VPS13B: variants seen among roughly 807,000 people sequenced by gnomAD.
VPS13B encodes the protein intermembrane lipid transfer protein VPS13B.
In VPS13B, 285 loss-of-function variants were observed where a neutral mutation model predicts 426.4. That is an observed-to-expected ratio of 0.67 (90% CI 0.61 to 0.74). The LOEUF (loss-of-function observed/expected upper bound fraction) is 0.74, where lower values mean the gene tolerates loss of function less well. VPS13B is among the 30% of genes least tolerant of loss of function. The pLI is 0.00. For missense variants in VPS13B, 4,537 were observed against 4,782.6 expected, an observed-to-expected ratio of 0.95 and a Z score of 1.51; for synonymous variants, 1,676 against 1,676.4, an observed-to-expected ratio of 1.00 and a Z score of 0.01.
chr8:99,320,456 T>C (rs915776602), intron 19 of VPS13B, among the ~76,000 whole-genome samples: 9 of 152,192 alleles, frequency 5.9e-5, no homozygotes, highest in Non-Finnish European at 8.8e-5. Flanking sequence ...TTAATGTTGA[T>C]ATATTTTGTT....
chr8:99,302,612 C>A (rs879831592), intron 19 of VPS13B, among the ~76,000 whole-genome samples: 29 of 152,062 alleles, frequency 1.9e-4, no homozygotes, highest in Admixed American at 7.9e-4. Flanking sequence ...TAGGTTCAAG[C>A]AATTCTCCTG....
chr8:99,197,595 A>C (rs1020191222), intron 17 of VPS13B, among the ~76,000 whole-genome samples: 1 of 152,162 alleles, frequency 6.6e-6, no homozygotes, highest in Non-Finnish European at 1.5e-5. Flanking sequence ...CATTGTTCAC[A>C]GTAGTCGATT....
intron 17 of VPS13B, among the ~76,000 whole-genome samples, chr8:99,207,523 A>G (rs1814800097): frequency 6.6e-6 from 1 of 152,168 alleles, no homozygotes; most frequent in Non-Finnish European, 1.5e-5. Context: ...TACAGAGTAG[A>G]TTTGAGAAAA....
In VPS13B at chr8:99,876,984, CTGGG is replaced by C. The variant is rs1264251176; in HGVS notation, c.*1319_*1322del. Reference sequence around the variant, plus strand: ...GATCTTACTCCAGCCTCCCAAGCAGCTGGGACTACACCACCACAGGTATGCACCA... The same window carrying C: ...GATCTTACTCCAGCCTCCCAAGCAGCACTACACCACCACAGGTATGCACCA... On this transcript the variant is annotated 3_prime_UTR_variant, in exon 62 of 62. Coordinates refer to ENST00000357162, the MANE Select transcript of VPS13B (RefSeq NM_152564.5). 2 of 152,232 alleles carry C rather than the reference CTGGG, an allele frequency of 1.3e-5. No homozygotes were observed. The highest frequency in any genetic ancestry group is 4.8e-5 in the African/African-American group (2 of 41,428). The allele number at this position is 152,232 out of a possible 1,614,324, so 9.4% of individuals were successfully genotyped here.
rs116287430 is a variant in VPS13B, at chr8:99,250,475, T to C, written c.2516-23723T>C. 3.3e-3 allele frequency among the ~76,000 whole-genome samples: 502 copies of C among 152,242 alleles called. 2 individuals carry two copies. Among genetic ancestry groups the C allele is most frequent in the African/African-American group, 0.011 (447 of 41,552 alleles). ...TTTCCCCCTATGCTTTTTTCTGACT[T>C]AATTTTTTTAAGGTGTTAGACCTAG... On this transcript the variant is annotated intron_variant, in intron 17 of 61. Transcript: ENST00000357162.
chr8:99,088,332 T>C (rs183304345), intron 3 of VPS13B, among the ~76,000 whole-genome samples: 13 of 152,302 alleles, frequency 8.5e-5, no homozygotes, highest in Non-Finnish European at 1.8e-4. Flanking sequence ...TGTTTTTCTG[T>C]TCTGAAATTT....
chr8:99,796,238 A>G (rs1812805317), intron 43 of VPS13B, among the ~76,000 whole-genome samples: 1 of 152,224 alleles, frequency 6.6e-6, no homozygotes, highest in Admixed American at 6.5e-5. Context: ...CGATTGGAAC[A>G]TCATTGATGG....
intron 25 of VPS13B, among the ~76,000 whole-genome samples, chr8:99,497,320 A>G (rs773853284): frequency 1.2e-4 from 17 of 145,580 alleles, no homozygotes; most frequent in Non-Finnish European, 2.3e-4. Context: ...TAATATGTAT[A>G]TATTTATATA....
chr8:99,461,281 C>T (rs1239240176), intron 23 of VPS13B, among the ~76,000 whole-genome samples: 2 of 152,026 alleles, frequency 1.3e-5, no homozygotes, highest in East Asian at 3.9e-4. Context: ...CTGGTGACTG[C>T]TTTATACTTA....
At chr8:99,632,201 G>C (rs1313447870) in intron 33 of VPS13B, among the ~76,000 whole-genome samples, 1 of 151,816 alleles carries the variant, frequency 6.6e-6, no homozygotes, top group African/African-American at 2.4e-5. Context: ...CATACACCAG[G>C]TATGATTAAA....
At chr8:99,853,136 G>A (rs887696456) in intron 55 of VPS13B, among the ~76,000 whole-genome samples, 1 of 152,104 alleles carries the variant, frequency 6.6e-6, no homozygotes, top group African/African-American at 2.4e-5. Flanking sequence ...TTTCTGTCTT[G>A]TGATCATCAT....
intron 17 of VPS13B, among the ~76,000 whole-genome samples, chr8:99,271,639 C>T (rs1818612069): frequency 6.6e-6 from 1 of 152,210 alleles, no homozygotes; most frequent in African/African-American, 2.4e-5. Context: ...TTGATTGACT[C>T]ACAGTTCCAC....
At chr8:99,416,265 C>T (rs78684054) in intron 21 of VPS13B, among the ~76,000 whole-genome samples, 1,791 of 152,234 alleles carry the variant, frequency 0.012, 14 homozygotes, top group Non-Finnish European at 0.019. Context: ...TGCCCCCGCC[C>T]CCCCACCAAG....
In VPS13B at chr8:99,581,308, G is replaced by A. The variant is rs1826049242; in HGVS notation, c.5220+3675G>A. ...AGTGAAAACCGTAAAGTAATCTGAG[G>A]ATTCTTGCCAGAACCAATATTTAAT... On this transcript the variant is annotated intron_variant, in intron 33 of 61. Coordinates refer to ENST00000357162, the MANE Select transcript of VPS13B (RefSeq NM_152564.5). Among the ~76,000 whole-genome samples the A allele has an allele frequency of 2.0e-5, 3 of 152,204 alleles. No homozygotes were observed. The South Asian group carries it at 6.2e-4, about 32-fold the overall frequency.
intron 17 of VPS13B, chr8:99,241,637 A>G (rs941384494): frequency 1.3e-5 from 2 of 152,196 alleles, no homozygotes; most frequent in East Asian, 1.9e-4. Flanking sequence ...TCCCAAGTCT[A>G]TGGAAATTTT....
chr8:99,798,543 G>A (rs770767733), intron 43 of VPS13B, among the ~76,000 whole-genome samples: 30 of 152,134 alleles, frequency 2.0e-4, no homozygotes, highest in Non-Finnish European at 3.5e-4. Context: ...GGCAAAGATA[G>A]GATTGTGATA....
At chr8:99,180,487 C>T (rs1280007470) in intron 16 of VPS13B, among the ~76,000 whole-genome samples, 1 of 152,072 alleles carries the variant, frequency 6.6e-6, no homozygotes, top group Non-Finnish European at 1.5e-5. Flanking sequence ...ACATGCATTT[C>T]AGATAATGGT....
intron 36 of VPS13B, among the ~76,000 whole-genome samples, chr8:99,706,965 A>G (rs1000397804): frequency 2.0e-5 from 3 of 152,140 alleles, no homozygotes; most frequent in Non-Finnish European, 4.4e-5. Flanking sequence ...TTGCTAGGAA[A>G]GCTTCTAGCA....
Position 99,511,367 on chromosome 8 carries a change from G to T in VPS13B, c.4488G>T (p.Lys1496Asn). 6.2e-7 allele frequency: 1 copy of T among 1,613,834 alleles called. No individual in the cohort carries two copies. Among genetic ancestry groups the T allele is most frequent in the Non-Finnish European group, 8.5e-7 (1 of 1,179,944 alleles). The change falls in exon 29 of 62, where the codon AAG (lysine) becomes AAT (asparagine). Residue 1496 changes from lysine to asparagine, a missense_variant. Transcript: ENST00000357162. ...GTATATTTCAAGCAAAACTACCAAA[G>T]ACCCAAAAAGAGAAAAGAAAATCTC... ...IASIFQAKLPKTQKEKRKSPG... is the reference protein window; with the variant it reads ...IASIFQAKLPNTQKEKRKSPG...
Sources: gnomAD v4.1 joint callset for allele counts (sites outside exome capture counted in the v4.1 genomes callset) on GRCh38, gnomAD v4.1.1 for gene constraint, MANE v1.5 for transcripts, NCBI Gene and HGNC (gene_info 2026-07-23, HGNC 2026-07-21) for gene names.